Variants in MAU2 observed in about 807,000 individuals in gnomAD.
MAU2 encodes MAU2 sister chromatid cohesion factor.
A neutral mutation model predicts 89.1 loss-of-function variants in MAU2; 9 were observed. The observed-to-expected ratio is 0.10, with a 90% CI of 0.06 to 0.18. The LOEUF (loss-of-function observed/expected upper bound fraction) is 0.18. Among genes scored for constraint, MAU2 ranks in the 10% least tolerant of loss-of-function variants. MAU2 has a pLI of 1.00. For missense variants in MAU2, 425 were observed against 803.5 expected (o/e 0.53, Z 5.69); for synonymous variants, 357 against 343.4 (o/e 1.04, Z -0.44).
chr19:19,326,672 C>T (rs1238256318), intron 1 of MAU2, among the ~76,000 whole-genome samples: 3 of 68,184 alleles, frequency 4.4e-5, no homozygotes, highest in Non-Finnish European at 1.1e-4. Flanking sequence ...GGCGAAAGAG[C>T]GAGACTGTCT....
At chr19:19,323,550 C>G (rs529709577) in intron 1 of MAU2, among the ~76,000 whole-genome samples, 1 of 151,916 alleles carries the variant, frequency 6.6e-6, no homozygotes, top group African/African-American at 2.4e-5. Context: ...TCCATCACCC[C>G]GGCTGGGGTG....
rs2061731975 is a variant in MAU2 at position 19,350,268 on chromosome 19, C to A, written c.1548+832C>A. Among the ~76,000 whole-genome samples, 3 of 144,368 alleles carry A rather than the reference C, an allele frequency of 2.1e-5. No homozygotes were observed. The Admixed American group carries it at 2.1e-4, about 10-fold the overall frequency. The allele number at this position is 144,368 out of a possible 152,430, so 94.7% of individuals were successfully genotyped here. On this transcript the variant is annotated intron_variant, in intron 16 of 18. Transcript: ENST00000262815. Reference sequence around the variant, plus strand: ...CGGAGATCATGCCGCTGCACTCCAGCCTGGGCAACAGAGTGAGACTCTGTC... The same window carrying A: ...CGGAGATCATGCCGCTGCACTCCAGACTGGGCAACAGAGTGAGACTCTGTC...
chr19:19,332,446 G>A (rs916963662), intron 1 of MAU2, among the ~76,000 whole-genome samples: 3 of 151,640 alleles, frequency 2.0e-5, no homozygotes, highest in Admixed American at 1.3e-4. Flanking sequence ...TGAAGTGGGC[G>A]ATAAAGCTAC....
intron 3 of MAU2, among the ~76,000 whole-genome samples, chr19:19,336,419 C>G (rs532400043): frequency 1.3e-5 from 2 of 151,806 alleles, no homozygotes; most frequent in Admixed American, 1.3e-4. Context: ...CCCACCTCAG[C>G]CTCCCGAGCA....
At chr19:19,354,636 G>A (rs139472693) in intron 17 of MAU2, 191 bp downstream of exon 17, 441 of 608,942 alleles carry the variant, frequency 7.2e-4, no homozygotes, top group Non-Finnish European at 1.1e-3. Flanking sequence ...TGTGGCATCC[G>A]CTTGACTCGG....
chr19:19,323,567 C>T (rs1232765027), intron 1 of MAU2, among the ~76,000 whole-genome samples: 3 of 152,150 alleles, frequency 2.0e-5, no homozygotes, highest in Admixed American at 6.6e-5. Context: ...GGTGCACTGG[C>T]GTGATCTCAG....
chr19:19,325,415 A>T lies in MAU2; in HGVS notation c.276+4280A>T, dbSNP rs2146651298. 1.3e-5 allele frequency among the ~76,000 whole-genome samples: 2 copies of T among 152,170 alleles called. 1 individual carries two copies. Among genetic ancestry groups the T allele is most frequent in the South Asian group, 4.1e-4 (2 of 4,826 alleles). ...GGCCTTGAACTCCTGACGTCAGGTG[A>T]TCCACCCGCCTTGGCCTCCCAAAGT... On this transcript the variant is annotated intron_variant, in intron 1 of 18. Coordinates refer to ENST00000262815, the MANE Select transcript of MAU2 (RefSeq NM_015329.4).
chr19:19,332,097 C>T (rs1180556863), intron 1 of MAU2, among the ~76,000 whole-genome samples: 1 of 152,212 alleles, frequency 6.6e-6, no homozygotes, highest in African/African-American at 2.4e-5. Flanking sequence ...AGATGTTTCC[C>T]GAGCACCTAC....
chr19:19,334,198 C>A, intron 1 of MAU2: 2 of 985,302 alleles, frequency 2.0e-6, no homozygotes, highest in Non-Finnish European at 2.4e-6. Flanking sequence ...AGCCTCACCT[C>A]TGGGGCCACA....
chr19:19,343,311 T>C (rs1599914818), intron 9 of MAU2, among the ~76,000 whole-genome samples: 1 of 152,092 alleles, frequency 6.6e-6, no homozygotes, highest in African/African-American at 2.4e-5. Flanking sequence ...CCCTGGCTGG[T>C]ATAGTGTGCC....
rs749226647 is a variant in MAU2, at chr19:19,335,727, T to C, written c.286T>C (p.Ser96Pro). ...TTTCTTTCTTTTTCAGTGGTTGATA[T>C]CACAGCAAGTATCCTTTCCGTGTTG... ...RSHLEKAWLI[S>P]QQIPQFEDVK... is the part of the protein sequence containing the mutation. The change falls in exon 2 of 19, where the codon TCA (serine) becomes CCA (proline). Residue 96 changes from serine (S) to proline (P), a missense_variant. Physicochemically the swap from Ser to Pro is moderately conservative, Grantham distance 74 (BLOSUM62 -1). Around this residue, in one of 11 missense-constraint regions of MAU2, gnomAD observed 119 missense variants for 299.8 expected, o/e 0.40. Transcript: ENST00000262815. 1 of 1,614,168 alleles carries C rather than the reference T, an allele frequency of 6.2e-7. No homozygotes were observed. The highest frequency in any genetic ancestry group is 8.5e-7 in the Non-Finnish European group (1 of 1,179,986).
chr19:19,354,285 C>G (rs914659643), intron 16 of MAU2, 70 bp from the exon 17 acceptor site: 1 of 1,265,558 alleles, frequency 7.9e-7, no homozygotes, highest in African/African-American at 1.5e-5. Context: ...TTATCCCCAC[C>G]CCAACCTGGG....
intron 6 of MAU2, 38 bp downstream of exon 6, chr19:19,340,911 T>G (rs761835584): frequency 2.2e-5 from 35 of 1,611,732 alleles, no homozygotes; most frequent in Non-Finnish European, 2.9e-5. Flanking sequence ...GCAGCTGGTG[T>G]TGTGGAGGTG....
rs112789073 is a variant in MAU2, at chr19:19,335,560, G to T, written c.277-158G>T. The stretch of plus-strand genomic sequence containing the variant: ...ATTCCCCTGGCTGGATTGGAGGGGA[G>T]TAAGCCTACCCTCTCAGGCCAAGCG... On this transcript the variant is annotated intron_variant, in intron 1 of 18. Coordinates refer to ENST00000262815, the MANE Select transcript of MAU2 (RefSeq NM_015329.4). Among the ~76,000 whole-genome samples the T allele has an allele frequency of 1.2e-4, 18 of 152,322 alleles. 1 individual carries two copies. The highest frequency in any genetic ancestry group is 4.3e-4 in the African/African-American group (18 of 41,578).
intron 1 of MAU2, among the ~76,000 whole-genome samples, chr19:19,333,479 G>T (rs1568653890): frequency 6.6e-6 from 1 of 152,170 alleles, no homozygotes; most frequent in Admixed American, 6.5e-5. Context: ...CAGTGAGACT[G>T]TGTCTCAAAA....
At chr19:19,324,394 C>T (rs2061487817) in intron 1 of MAU2, among the ~76,000 whole-genome samples, 1 of 152,122 alleles carries the variant, frequency 6.6e-6, no homozygotes, top group South Asian at 2.1e-4. Context: ...AAATGAGGCA[C>T]CAGACTTTAT....
In MAU2 at chr19:19,341,308, G is replaced by A. The variant is rs753675252; in HGVS notation, c.636G>A (p.Gly212=). The A allele has an allele frequency of 3.7e-5, 60 of 1,613,204 alleles. No individual in the cohort carries two copies. The highest frequency in any genetic ancestry group is 4.7e-5 in the Non-Finnish European group (56 of 1,180,018). The change falls in exon 7 of 19, where the codon GGG becomes GGA. Residue 212 remains glycine, a synonymous_variant. Coordinates refer to ENST00000262815, the MANE Select transcript of MAU2 (RefSeq NM_015329.4). ...TGCACCCGCTGCTGACCCTCTGCGG[G>A]CAGATCGTGGAGAACTGGCAGGGGA... The part of the protein sequence containing the change: ...QEVHPLLTLC[G]QIVENWQGNP...
intron 13 of MAU2, 117 bp downstream of exon 13, chr19:19,347,483 G>C (rs1416760238): frequency 1.2e-5 from 9 of 766,786 alleles, no homozygotes; most frequent in African/African-American, 3.5e-5. Context: ...TTCACCTTTT[G>C]AGGGATGGGC....
intron 1 of MAU2, among the ~76,000 whole-genome samples, chr19:19,327,621 G>A (rs548185549): frequency 5.3e-4 from 81 of 152,100 alleles, no homozygotes; most frequent in Non-Finnish European, 8.5e-4. Context: ...CACTGCGCCC[G>A]GCCTCTACTT....
Sources: allele counts gnomAD v4.1 joint callset (sites outside exome capture counted in the v4.1 genomes callset), GRCh38; gene constraint gnomAD v4.1.1; regional missense constraint gnomAD v4.1.1; transcripts MANE v1.5; gene names NCBI Gene and HGNC (gene_info 2026-07-23, HGNC 2026-07-21).